Variants in KCNJ16 observed in about 807,000 individuals in gnomAD.
KCNJ16 encodes the protein potassium inwardly rectifying channel subfamily J member 16, also known as inward rectifier potassium channel 16.
A neutral mutation model predicts 18.5 loss-of-function variants in KCNJ16; 15 were observed. That is an observed-to-expected ratio of 0.81 (90% CI 0.54 to 1.25). KCNJ16 has a LOEUF of 1.25. KCNJ16 is among the 50% of genes most tolerant of loss of function. The probability of loss-of-function intolerance (pLI) is 0.00; values close to 1 mark genes in which losing one functional copy is unlikely to be tolerated. For synonymous variants in KCNJ16, 174 were observed against 186.5 expected, an observed-to-expected ratio of 0.93 and a Z score of 0.55; for missense variants, 523 against 525.7, an observed-to-expected ratio of 0.99 and a Z score of 0.05.
chr17:70,084,243 G>A (rs2071690103), intron 1 of KCNJ16, among the ~76,000 whole-genome samples: 1 of 152,182 alleles, frequency 6.6e-6, no homozygotes, highest in African/African-American at 2.4e-5. Context: ...ATGGAATTCT[G>A]AGACACGTAG....
chr17:70,088,175 C>T (rs921928191), intron 1 of KCNJ16, among the ~76,000 whole-genome samples: 1 of 152,116 alleles, frequency 6.6e-6, no homozygotes, highest in African/African-American at 2.4e-5. Flanking sequence ...GTTTCCAACC[C>T]TTTTGGCACC....
At position 70,106,982 on chromosome 17, in the gene KCNJ16, A is replaced by C. The variant is rs145672510; in HGVS notation, c.-191+6216A>C. Among the ~76,000 whole-genome samples, 781 of 152,232 alleles carry C rather than the reference A, an allele frequency of 5.1e-3. 7 individuals carry two copies. The highest frequency in any genetic ancestry group is 0.018 in the African/African-American group (761 of 41,530). ...TCTGCTTTAAAGTGGCTTTTTCCTG[A>C]TGGTTTCTTCTACCATTGTTACAGT... On this transcript the variant is annotated intron_variant, in intron 2 of 3. Coordinates refer to ENST00000392671, the MANE Select transcript of KCNJ16 (RefSeq NM_170741.4).
intron 1 of KCNJ16, among the ~76,000 whole-genome samples, chr17:70,087,454 C>A (rs982397453): frequency 4.6e-5 from 7 of 152,108 alleles, no homozygotes; most frequent in Non-Finnish European, 1.0e-4. Flanking sequence ...ATAATCCCAG[C>A]ACTTTGGGAG....
intron 2 of KCNJ16, among the ~76,000 whole-genome samples, chr17:70,118,705 C>A (rs1345623530): frequency 6.6e-6 from 1 of 152,018 alleles, no homozygotes; most frequent in Non-Finnish European, 1.5e-5. Flanking sequence ...AGAGATGCGC[C>A]CCCATGATGA....
At chr17:70,092,124 T>C (rs1269360956) in intron 1 of KCNJ16, among the ~76,000 whole-genome samples, 1 of 152,224 alleles carries the variant, frequency 6.6e-6, no homozygotes, top group Non-Finnish European at 1.5e-5. Flanking sequence ...TGTTTTTCAT[T>C]GTGTTTTTAT....
intron 2 of KCNJ16, among the ~76,000 whole-genome samples, chr17:70,119,653 G>C (rs2073552477): frequency 6.6e-6 from 1 of 152,210 alleles, no homozygotes; most frequent in African/African-American, 2.4e-5. Context: ...GCTGGAGCTG[G>C]AGTGACCTGG....
intron 2 of KCNJ16, among the ~76,000 whole-genome samples, chr17:70,130,610 AC>A (rs2074022477): frequency 6.6e-6 from 1 of 152,058 alleles, no homozygotes; most frequent in South Asian, 2.1e-4. Context: ...AGGGAAGTTA[AC>A]TCTTTCTGTC....
chr17:70,131,029 A>G (rs914807680), intron 3 of KCNJ16, 54 bp downstream of exon 3: 22 of 1,500,228 alleles, frequency 1.5e-5, no homozygotes, highest in Admixed American at 2.0e-5. Context: ...TGGAGGGAGA[A>G]AAATTATTTT....
intron 2 of KCNJ16, among the ~76,000 whole-genome samples, chr17:70,117,594 G>A (rs902507852): frequency 1.3e-5 from 2 of 152,160 alleles, no homozygotes; most frequent in African/African-American, 2.4e-5. Flanking sequence ...TAGGATAAAT[G>A]GGTGTTTGGA....
At chr17:70,108,890 G>A (rs1466618780) in intron 2 of KCNJ16, among the ~76,000 whole-genome samples, 1 of 152,036 alleles carries the variant, frequency 6.6e-6, no homozygotes, top group East Asian at 1.9e-4. Flanking sequence ...CTGCTTGTGA[G>A]TTTCTCCAAT....
chr17:70,079,574 C>G (rs577980391), intron 1 of KCNJ16, among the ~76,000 whole-genome samples: 1 of 152,214 alleles, frequency 6.6e-6, no homozygotes, highest in Non-Finnish European at 1.5e-5. Flanking sequence ...TTCCATTTCT[C>G]TAAAAGAAAT....
chr17:70,131,867 G>C, intron 3 of KCNJ16, 128 bp from the exon 4 acceptor site: 1 of 767,896 alleles, frequency 1.3e-6, no homozygotes. Flanking sequence ...AATCAATACT[G>C]TGCACCTAAT....
chr17:70,098,771 G>C (rs6501372), intron 1 of KCNJ16, among the ~76,000 whole-genome samples: 126,684 of 152,210 alleles, frequency 0.83, 52,861 homozygotes, highest in East Asian at 0.96. Flanking sequence ...GTTGAATTTT[G>C]AGTGGAATGG....
chr17:70,116,187 A>T (rs909329041), intron 2 of KCNJ16, among the ~76,000 whole-genome samples: 1 of 152,146 alleles, frequency 6.6e-6, no homozygotes, highest in Non-Finnish European at 1.5e-5. Flanking sequence ...AACTTAAAAA[A>T]TTTTATTGTA....
Position 70,133,317 on chromosome 17 carries a change from C to G in KCNJ16, c.1230C>G (p.Asn410Lys), listed in dbSNP as rs550235581. The G allele has an allele frequency of 6.2e-7, 1 of 1,613,434 alleles. No homozygotes were observed. Among genetic ancestry groups the G allele is most frequent in the South Asian group, 1.1e-5 (1 of 91,054 alleles). ...ATCAGAAAGCTCTCCTGACTTTAAA[C>G]AGAATCTCTGTAGAATCCCAAATGT... ...TPYQKALLTL[N>K]RISVESQM is the part of the protein sequence containing the mutation. The change falls in exon 4 of 4, where the codon AAC becomes AAG. Residue 410 changes from asparagine to lysine, a missense_variant. By Grantham distance (94) the Asn-to-Lys change is moderately conservative. Transcript: ENST00000392671.
intron 2 of KCNJ16, among the ~76,000 whole-genome samples, chr17:70,103,286 A>ATATGTG: frequency 9.6e-6 from 1 of 103,812 alleles, no homozygotes; most frequent in South Asian, 3.1e-4. Context: ...ATATGCATAT[A>ATATGTG]TGTGTGTGTG....
chr17:70,121,462 G>A (rs955675933), intron 2 of KCNJ16, among the ~76,000 whole-genome samples: 13 of 152,096 alleles, frequency 8.5e-5, no homozygotes, highest in Non-Finnish European at 1.6e-4. Flanking sequence ...AGGAAGATAC[G>A]GTGAAGATCT....
At chr17:70,129,403 C>T (rs889936275) in intron 2 of KCNJ16, among the ~76,000 whole-genome samples, 26 of 152,116 alleles carry the variant, frequency 1.7e-4, no homozygotes, top group Non-Finnish European at 3.7e-4. Flanking sequence ...AAATAAGAGA[C>T]TAATAAATAT....
chr17:70,078,174 A>G (rs1049475804), intron 1 of KCNJ16, among the ~76,000 whole-genome samples: 1 of 152,146 alleles, frequency 6.6e-6, no homozygotes, highest in African/African-American at 2.4e-5. Flanking sequence ...GATGCAAAAC[A>G]TAACATTCTA....
Sources: gnomAD v4.1 joint callset for allele counts (sites outside exome capture counted in the v4.1 genomes callset) on GRCh38, gnomAD v4.1.1 for gene constraint, MANE v1.5 for transcripts, NCBI Gene and HGNC (gene_info 2026-07-23, HGNC 2026-07-21) for gene names.